The following NPAS2 variants were observed in gnomAD, a reference collection of about 807,000 sequenced individuals.
NPAS2 encodes the protein neuronal PAS domain-containing protein 2.
NPAS2 carries 23 observed loss-of-function variants against 107.5 expected under a neutral mutation model. The observed-to-expected ratio is 0.21, with a 90% CI of 0.15 to 0.30. NPAS2 has a LOEUF of 0.30. NPAS2 is among the 10% of genes least tolerant of loss of function. The probability of loss-of-function intolerance (pLI) is 1.00; values close to 1 mark genes in which losing one functional copy is unlikely to be tolerated. For missense variants in NPAS2, 756 were observed against 1,043.3 expected (o/e 0.72, Z 3.79); for synonymous variants, 403 against 417.5 (o/e 0.97, Z 0.42).
rs571110701 is a variant in NPAS2 at position 100,971,045 on chromosome 2, T to G, written c.1111T>G (p.Ser371Ala). ...RQELALEDPP[S>A]EALHSSALKD... ...GGAGCTGGCTCTGGAAGACCCGCCATCCGAGGCCCTCCACTCCTCAGCACT... is the reference window on the plus strand; with the variant it reads ...GGAGCTGGCTCTGGAAGACCCGCCAGCCGAGGCCCTCCACTCCTCAGCACT... Residue 371 changes from serine to alanine, a missense_variant, in exon 12 of 21, where the codon TCC becomes GCC. Around this residue, in one of 4 missense-constraint regions of NPAS2, gnomAD observed 496 missense variants for 594.4 expected, o/e 0.83. Transcript: ENST00000335681. 11 of 1,614,116 alleles carry G rather than the reference T, an allele frequency of 6.8e-6. No individual in the cohort carries two copies. In the Admixed American group the frequency reaches 1.7e-4, roughly 24 times the overall value.
chr2:100,843,217 C>CAAA lies in NPAS2; in HGVS notation c.-23+22815_-23+22817dup, dbSNP rs67274513. ...CTGGTGACAGAGTGAGACTCTGTCT[C>CAAA]AAAAAAAAAAAAAATGCTGGCATCT... On this transcript the variant is annotated intron_variant, in intron 1 of 20. Transcript: ENST00000335681. 3.3e-3 allele frequency among the ~76,000 whole-genome samples: 468 copies of CAAA among 141,522 alleles called. 4 individuals carry two copies. The highest frequency in any genetic ancestry group is 9.5e-3 in the African/African-American group (365 of 38,608). The allele number at this position is 141,522 out of a possible 152,430, so 92.8% of individuals were successfully genotyped here.
Position 100,983,700 on chromosome 2 carries a change from C to T in NPAS2, c.1629+1323C>T, listed in dbSNP as rs545145539. ...CACCCTTAAATTGACCAGAAAAAGG[C>T]TCGGCCTTCTCGTGAAAAGAAATGG... On this transcript the variant is annotated intron_variant, in intron 16 of 20. Transcript: ENST00000335681. The T allele has an allele frequency of 3.9e-5, 6 of 152,388 alleles. No homozygotes were observed. In the East Asian group the frequency reaches 1.2e-3, roughly 29 times the overall value. 9.4% of individuals were successfully genotyped at this position (152,388 alleles called of 1,614,324 possible). A position where few individuals can be genotyped will look rare whatever the true frequency, so the allele number is the denominator to read the frequency against.
At chr2:100,825,801 G>A (rs1486016868) in intron 1 of NPAS2, among the ~76,000 whole-genome samples, 1 of 152,192 alleles carries the variant, frequency 6.6e-6, no homozygotes, top group Non-Finnish European at 1.5e-5. Context: ...ACTAGATACT[G>A]TGATATGTGG....
intron 7 of NPAS2, among the ~76,000 whole-genome samples, chr2:100,954,835 A>G (rs1372923304): frequency 2.0e-5 from 3 of 151,832 alleles, no homozygotes; most frequent in Non-Finnish European, 2.9e-5. Context: ...GTAGAAGAAA[A>G]ATGACCACTA....
chr2:100,991,578 C>T (rs1299773751), intron 19 of NPAS2, among the ~76,000 whole-genome samples: 1 of 152,220 alleles, frequency 6.6e-6, no homozygotes, highest in Non-Finnish European at 1.5e-5. Flanking sequence ...CGCAGGCACC[C>T]CCAGGCCCCT....
At chr2:100,956,904 T>C (rs1675603188) in intron 7 of NPAS2, among the ~76,000 whole-genome samples, 2 of 152,208 alleles carry the variant, frequency 1.3e-5, no homozygotes, top group South Asian at 2.1e-4. Context: ...TTTGCTCTGG[T>C]GAACTAGGTG....
intron 2 of NPAS2, among the ~76,000 whole-genome samples, chr2:100,916,915 G>C (rs1033973859): frequency 3.3e-5 from 5 of 152,182 alleles, no homozygotes; most frequent in Admixed American, 3.3e-4. Flanking sequence ...AACAAACTGT[G>C]TAGTAATCCA....
At chr2:100,851,008 C>CATGGATGAATATTGAGG (rs1264316518) in intron 1 of NPAS2, among the ~76,000 whole-genome samples, 1 of 138,794 alleles carries the variant, frequency 7.2e-6, no homozygotes, top group Non-Finnish European at 1.5e-5. Context: ...CATGCTACCA[C>CATGGATGAATATTGAGG]ATGGATGAAT....
At chr2:100,953,795 G>C (rs1270341047) in intron 7 of NPAS2, among the ~76,000 whole-genome samples, 1 of 152,196 alleles carries the variant, frequency 6.6e-6, no homozygotes, top group Non-Finnish European at 1.5e-5. Flanking sequence ...AACAGACACA[G>C]GCCCGCTCCG....
intron 1 of NPAS2, among the ~76,000 whole-genome samples, chr2:100,875,773 C>T (rs1309840653): frequency 1.3e-5 from 2 of 152,168 alleles, no homozygotes; most frequent in African/African-American, 4.8e-5. Context: ...TTTCCTTAAA[C>T]GCAGAACAAT....
chr2:100,830,596 T>A (rs913172131), intron 1 of NPAS2, among the ~76,000 whole-genome samples: 4 of 151,968 alleles, frequency 2.6e-5, no homozygotes, highest in Admixed American at 1.3e-4. Context: ...CCTTGGATAG[T>A]TTGCTCAGAA....
chr2:100,852,697 A>T (rs953836205), intron 1 of NPAS2, among the ~76,000 whole-genome samples: 1 of 152,062 alleles, frequency 6.6e-6, no homozygotes, highest in African/African-American at 2.4e-5. Context: ...CCGCCTCTAC[A>T]TTGCAAGAGA....
chr2:100,991,098 G>GA (rs1309473039), intron 19 of NPAS2, among the ~76,000 whole-genome samples: 1 of 152,306 alleles, frequency 6.6e-6, no homozygotes, highest in Admixed American at 6.5e-5. Flanking sequence ...AGCACTGAAT[G>GA]AAACAATTCA....
At position 100,945,562 on chromosome 2, in the gene NPAS2, G is replaced by A. The variant is rs553363267; in HGVS notation, c.364-2673G>A. 1.3e-3 allele frequency among the ~76,000 whole-genome samples: 200 copies of A among 152,208 alleles called. 1 individual carries two copies. Among genetic ancestry groups the A allele is most frequent in the African/African-American group, 4.5e-3 (185 of 41,524 alleles). On this transcript the variant is annotated intron_variant, in intron 5 of 20. Transcript: ENST00000335681. ...GCCACCCCCTTCCTTCAGGTTCTTCGTGGCTCCTCCTGGCACAGGGTCGAG... is the reference window on the plus strand; with the variant it reads ...GCCACCCCCTTCCTTCAGGTTCTTCATGGCTCCTCCTGGCACAGGGTCGAG...
chr2:100,834,077 C>A (rs775048142), intron 1 of NPAS2, among the ~76,000 whole-genome samples: 20 of 152,162 alleles, frequency 1.3e-4, no homozygotes, highest in Non-Finnish European at 2.8e-4. Flanking sequence ...GAGGCCTTTG[C>A]TGACTCCTGG....
At chr2:100,867,661 G>C (rs1315956256) in intron 1 of NPAS2, among the ~76,000 whole-genome samples, 7 of 152,142 alleles carry the variant, frequency 4.6e-5, no homozygotes, top group African/African-American at 7.2e-5. Flanking sequence ...TTTTTAACTG[G>C]AGAGATTATA....
rs765152742 is a variant in NPAS2, at chr2:100,993,462, G to A, written c.2227G>A (p.Ala743Thr). 6.2e-7 allele frequency: 1 copy of A among 1,611,882 alleles called. No individual in the cohort carries two copies. Among genetic ancestry groups the A allele is most frequent in the Non-Finnish European group, 8.5e-7 (1 of 1,179,178 alleles). ...GQAVLHPSFP[A>T]SQPSPLQPAQ... Reference sequence around the variant, plus strand: ...GGCGGTGCTCCACCCCAGCTTCCCTGCCTCCCAACCATCGCCCCTGCAGCC... The same window carrying A: ...GGCGGTGCTCCACCCCAGCTTCCCTACCTCCCAACCATCGCCCCTGCAGCC... The change falls in exon 20 of 21, where the codon GCC becomes ACC. Residue 743 changes from alanine to threonine, a missense_variant. Transcript: ENST00000335681.
chr2:100,891,936 A>G (rs1401190733), intron 1 of NPAS2, among the ~76,000 whole-genome samples: 1 of 152,164 alleles, frequency 6.6e-6, no homozygotes, highest in Non-Finnish European at 1.5e-5. Flanking sequence ...TGTCTGTGGC[A>G]GCCGAACAGC....
Position 100,885,950 on chromosome 2 carries a change from C to T in NPAS2, c.-22-18783C>T, listed in dbSNP as rs553232393. ...TACTGGGATTACAGGCATGAGCCAC[C>T]GAACCCGGCTAGCCAATTTATTTTA... On this transcript the variant is annotated intron_variant, in intron 1 of 20. Transcript: ENST00000335681. Among the ~76,000 whole-genome samples, 5 of 152,330 alleles carry T rather than the reference C, an allele frequency of 3.3e-5. No individual in the cohort carries two copies. The East Asian group carries it at 5.8e-4, about 18-fold the overall frequency.
Sources: gnomAD v4.1 joint callset for allele counts (sites outside exome capture counted in the v4.1 genomes callset) on GRCh38, gnomAD v4.1.1 for gene constraint, gnomAD v4.1.1 regional missense constraint, MANE v1.5 for transcripts, NCBI Gene and HGNC (gene_info 2026-07-23, HGNC 2026-07-21) for gene names.